CTNNA1: variants seen among roughly 807,000 people sequenced by gnomAD.
CTNNA1 encodes catenin alpha 1.
In CTNNA1, 37 loss-of-function variants were observed where a neutral mutation model predicts 98.4. The observed-to-expected ratio is 0.38, with a 90% CI of 0.29 to 0.49. CTNNA1 has a LOEUF of 0.49. Among genes scored for constraint, CTNNA1 ranks in the 20% least tolerant of loss-of-function variants. The pLI is 0.95. For synonymous variants in CTNNA1, 404 were observed against 413.2 expected, an observed-to-expected ratio of 0.98 and a Z score of 0.27; for missense variants, 761 against 1,147.2, an observed-to-expected ratio of 0.66 and a Z score of 4.86.
intron 1 of CTNNA1, among the ~76,000 whole-genome samples, chr5:138,770,608 A>T (rs1191816548): frequency 6.6e-6 from 1 of 151,982 alleles, no homozygotes; most frequent in African/African-American, 2.4e-5. Context: ...CCAGATACTC[A>T]CTTGATTAGT....
chr5:138,757,565 G>A (rs1487594417), intron 1 of CTNNA1, among the ~76,000 whole-genome samples: 1 of 152,156 alleles, frequency 6.6e-6, no homozygotes, highest in Non-Finnish European at 1.5e-5. Context: ...TTCATGATGA[G>A]CTTTTAGTCA....
In CTNNA1 at chr5:138,905,612, A is replaced by G. The variant is rs78055044; in HGVS notation, c.1389+1171A>G. On this transcript the variant is annotated intron_variant, in intron 10 of 17. Coordinates refer to ENST00000302763, the MANE Select transcript of CTNNA1 (RefSeq NM_001903.5). ...TCAAGAACTTGTCTCCATTTATAAT[A>G]GTATATTGGAAGACTGATGATGAAG... Among the ~76,000 whole-genome samples the G allele has an allele frequency of 8.8e-4, 134 of 152,360 alleles. 2 individuals carry two copies. The East Asian group carries it at 9.1e-3, about 10-fold the overall frequency.
At chr5:138,753,829 C>T (rs1188959316) in intron 1 of CTNNA1, 1 of 204,552 alleles carries the variant, frequency 4.9e-6, no homozygotes, top group Admixed American at 6.0e-5. Context: ...CGCGTTTCCT[C>T]TTGGAAAAGT....
intron 11 of CTNNA1, among the ~76,000 whole-genome samples, chr5:138,921,003 T>C (rs1221330846): frequency 6.6e-6 from 1 of 152,032 alleles, no homozygotes; most frequent in Non-Finnish European, 1.5e-5. Flanking sequence ...CGCACTTGCA[T>C]AGAAAAAGAG....
At chr5:138,821,188 T>C (rs1760006893) in intron 5 of CTNNA1, among the ~76,000 whole-genome samples, 2 of 152,238 alleles carry the variant, frequency 1.3e-5, no homozygotes, top group South Asian at 4.1e-4. Context: ...AGCTGCATGT[T>C]GTTCTTTGAC....
intron 7 of CTNNA1, among the ~76,000 whole-genome samples, chr5:138,881,514 C>T (rs914008027): frequency 6.6e-6 from 1 of 152,204 alleles, no homozygotes; most frequent in Admixed American, 6.5e-5. Context: ...CTAAAAGCTG[C>T]TAGTTTCCCT....
intron 7 of CTNNA1, among the ~76,000 whole-genome samples, chr5:138,885,534 C>A (rs1158611701): frequency 6.6e-6 from 1 of 152,150 alleles, no homozygotes; most frequent in Non-Finnish European, 1.5e-5. Flanking sequence ...GAATGTTACC[C>A]TGGCAAATCT....
At chr5:138,823,057 A>ATGACATTAACAT (rs1224570844) in intron 5 of CTNNA1, among the ~76,000 whole-genome samples, 4 of 152,230 alleles carry the variant, frequency 2.6e-5, no homozygotes, top group Non-Finnish European at 5.9e-5. Context: ...GATTTAGTTA[A>ATGACATTAACAT]TGACATTAAC....
chr5:138,764,426 T>TC (rs2149586725), intron 1 of CTNNA1, among the ~76,000 whole-genome samples: 1 of 151,884 alleles, frequency 6.6e-6, no homozygotes, highest in South Asian at 2.1e-4. Context: ...GTGAGTTTGA[T>TC]CCCTTGGGAG....
chr5:138,816,277 T>C (rs1056545854), intron 5 of CTNNA1, among the ~76,000 whole-genome samples: 6 of 152,272 alleles, frequency 3.9e-5, no homozygotes, highest in Non-Finnish European at 7.3e-5. Flanking sequence ...ACATTTTGTC[T>C]GTTGATGGAC....
chr5:138,757,429 C>T (rs886570765), intron 1 of CTNNA1, among the ~76,000 whole-genome samples: 7 of 151,906 alleles, frequency 4.6e-5, no homozygotes, highest in African/African-American at 1.7e-4. Context: ...TGATCATGCC[C>T]CTGCACTCCA....
intron 7 of CTNNA1, among the ~76,000 whole-genome samples, chr5:138,883,799 A>G (rs547621385): frequency 6.6e-6 from 1 of 152,354 alleles, no homozygotes; most frequent in Admixed American, 6.5e-5. Flanking sequence ...GTGCTTGAGT[A>G]TCTTAAGGAA....
In CTNNA1 at chr5:138,753,524, T is replaced by TC. The variant is rs1451409282; in HGVS notation, c.-3+17dup. 2.7e-6 allele frequency: 1 copy of TC among 373,914 alleles called. No individual in the cohort carries two copies. The highest frequency in any genetic ancestry group is 4.7e-6 in the Non-Finnish European group (1 of 210,756). The allele number at this position is 373,914 out of a possible 1,614,324, so 23.2% of individuals were successfully genotyped here. On this transcript the variant is annotated intron_variant, in intron 1 of 17. Transcript: ENST00000302763. ...AGCTAGCCGCAGGTAACTTCGTACC[T>TC]CCCTCCTCGCGGGCGCGGTCTCTCG...
At chr5:138,804,087 T>G (rs1757844085) in intron 3 of CTNNA1, among the ~76,000 whole-genome samples, 1 of 152,262 alleles carries the variant, frequency 6.6e-6, no homozygotes, top group African/African-American at 2.4e-5. Context: ...TGTCTCCTAG[T>G]GCTTGCTGCA....
intron 13 of CTNNA1, among the ~76,000 whole-genome samples, chr5:138,928,192 A>G (rs1032692646): frequency 9.9e-5 from 15 of 151,928 alleles, no homozygotes; most frequent in Non-Finnish European, 1.5e-5. Context: ...CTGAGCGCCA[A>G]CCCCAGCTGT....
At chr5:138,772,505 G>A (rs1257737176) in intron 1 of CTNNA1, among the ~76,000 whole-genome samples, 3 of 152,212 alleles carry the variant, frequency 2.0e-5, no homozygotes, top group African/African-American at 7.2e-5. Flanking sequence ...AGAACCAGAA[G>A]ATACGACTAA....
intron 7 of CTNNA1, chr5:138,872,266 C>T (rs1414028110): frequency 2.6e-5 from 4 of 152,510 alleles, no homozygotes; most frequent in Non-Finnish European, 5.9e-5. Flanking sequence ...CATTATAAGT[C>T]AAACGAGAAA....
At position 138,827,669 on chromosome 5, in the gene CTNNA1, A is replaced by G; in HGVS notation, c.1013A>G (p.Asn338Ser). Residue 338 changes from asparagine to serine, a missense_variant, in exon 7 of 18, where the codon AAT (asparagine) becomes AGT (serine). Transcript: ENST00000302763. Reference sequence around the variant, plus strand: ...CGTGAGCGAATTGTGGCAGAGTGTAATGCTGTCCGCCAGGCCCTGCAGGAC... The same window carrying G: ...CGTGAGCGAATTGTGGCAGAGTGTAGTGCTGTCCGCCAGGCCCTGCAGGAC... Reference protein sequence around the residue: ...DRRERIVAECNAVRQALQDLL... With the variant: ...DRRERIVAECSAVRQALQDLL... 1 of 1,614,220 alleles carries G rather than the reference A, an allele frequency of 6.2e-7. No individual in the cohort carries two copies. The highest frequency in any genetic ancestry group is 8.5e-7 in the Non-Finnish European group (1 of 1,180,034).
chr5:138,759,991 T>C (rs992691750), intron 1 of CTNNA1, among the ~76,000 whole-genome samples: 1 of 137,372 alleles, frequency 7.3e-6, no homozygotes. Context: ...TTTTTTTTTT[T>C]TTTTTTTTTT....
Sources: allele counts gnomAD v4.1 joint callset (sites outside exome capture counted in the v4.1 genomes callset), GRCh38; gene constraint gnomAD v4.1.1; transcripts MANE v1.5; gene names NCBI Gene and HGNC (gene_info 2026-07-23, HGNC 2026-07-21).